The following KLHL29 variants were observed in gnomAD, a reference collection of about 807,000 sequenced individuals.
KLHL29 encodes kelch-like protein 29.
Under a neutral mutation model 80.4 loss-of-function variants are expected in KLHL29, and 21 were observed. The observed-to-expected ratio is 0.26, with a 90% CI of 0.19 to 0.38. The LOEUF (loss-of-function observed/expected upper bound fraction) is 0.38. KLHL29 is among the 10% of genes least tolerant of loss of function. The probability of loss-of-function intolerance (pLI) is 1.00; values close to 1 mark genes in which losing one functional copy is unlikely to be tolerated. For missense variants in KLHL29, 867 were observed against 1,223.9 expected (o/e 0.71, Z 4.35); for synonymous variants, 511 against 526.8 (o/e 0.97, Z 0.41).
In KLHL29 at chr2:23,437,985, T is replaced by C. The variant is rs536713940; in HGVS notation, c.-153-37575T>C. Among the ~76,000 whole-genome samples, 11 of 152,216 alleles carry C rather than the reference T, an allele frequency of 7.2e-5. No homozygotes were observed. In the South Asian group the frequency reaches 2.1e-3, roughly 29 times the overall value. On this transcript the variant is annotated intron_variant, in intron 1 of 13. Coordinates refer to ENST00000486442, the MANE Select transcript of KLHL29 (RefSeq NM_052920.2). ...TTTGTTTGTATCCTCTTTTATTTCA[T>C]TGAGCAGTGGTTTGTAGTTCTCCTT...
At chr2:23,646,047 AT>A (rs5829905) in intron 5 of KLHL29, among the ~76,000 whole-genome samples, 39,509 of 150,816 alleles carry the variant, frequency 0.26, 5,712 homozygotes, top group Middle Eastern at 0.36. Flanking sequence ...AAGCTGTAGG[AT>A]TTTTTTTTTA....
chr2:23,704,028 G>A (rs1453782453), intron 13 of KLHL29, among the ~76,000 whole-genome samples, 165 bp downstream of exon 13: 1 of 152,164 alleles, frequency 6.6e-6, no homozygotes, highest in African/African-American at 2.4e-5. Flanking sequence ...AGACCAGTAG[G>A]GTGGAGCCCA....
chr2:23,583,506 A>T (rs1668038068), intron 3 of KLHL29, among the ~76,000 whole-genome samples: 1 of 152,182 alleles, frequency 6.6e-6, no homozygotes, highest in South Asian at 2.1e-4. Context: ...CCAATTTGGA[A>T]AAGTTTCAAA....
intron 1 of KLHL29, among the ~76,000 whole-genome samples, chr2:23,415,803 A>T (rs1572494542): frequency 6.6e-6 from 1 of 152,076 alleles, no homozygotes; most frequent in East Asian, 1.9e-4. Flanking sequence ...GGCTCAGGCG[A>T]TCCTCACACC....
At chr2:23,653,067 C>T (rs1428101902) in intron 5 of KLHL29, among the ~76,000 whole-genome samples, 1 of 152,212 alleles carries the variant, frequency 6.6e-6, no homozygotes, top group Non-Finnish European at 1.5e-5. Context: ...CACCGCCTTC[C>T]TCTCTGCTGA....
At chr2:23,624,486 G>GC (rs1193741939) in intron 3 of KLHL29, among the ~76,000 whole-genome samples, 2 of 152,144 alleles carry the variant, frequency 1.3e-5, no homozygotes, top group Admixed American at 6.5e-5. Flanking sequence ...CTGCGACATT[G>GC]CCCCTCACTA....
At chr2:23,395,779 G>A (rs997452249) in intron 1 of KLHL29, among the ~76,000 whole-genome samples, 4 of 151,540 alleles carry the variant, frequency 2.6e-5, no homozygotes, top group East Asian at 1.9e-4. Flanking sequence ...AAGAAACTCC[G>A]ATTGCATTCA....
intron 3 of KLHL29, among the ~76,000 whole-genome samples, chr2:23,586,331 TC>T (rs200148921): frequency 1.4e-5 from 2 of 138,858 alleles, no homozygotes; most frequent in Admixed American, 7.5e-5. Context: ...AAGAGCAGCC[TC>T]CCCCCCATTC....
In KLHL29 at chr2:23,464,283, G is replaced by A. The variant is rs919303779; in HGVS notation, c.-153-11277G>A. Among the ~76,000 whole-genome samples the A allele has an allele frequency of 4.6e-5, 7 of 152,094 alleles. No individual in the cohort carries two copies. In the South Asian group the frequency reaches 8.3e-4, roughly 18 times the overall value. Reference sequence around the variant, plus strand: ...ATTTCCCCAGGGTCTCTGCAAGCCCGGAGCCCCCGGAGCCCCCAGAGCCCT... The same window carrying A: ...ATTTCCCCAGGGTCTCTGCAAGCCCAGAGCCCCCGGAGCCCCCAGAGCCCT... On this transcript the variant is annotated intron_variant, in intron 1 of 13. Transcript: ENST00000486442.
At position 23,706,605 on chromosome 2, in the gene KLHL29, C is replaced by G. The variant is rs1672741382; in HGVS notation, c.2569C>G (p.Pro857Ala). 1.3e-6 allele frequency: 2 copies of G among 1,537,076 alleles called. No homozygotes were observed. Among genetic ancestry groups the G allele is most frequent in the East Asian group, 4.9e-5 (2 of 40,916 alleles). ...CACATGGACCCTCCTCCCCCACATG[C>G]CCTGCCCTGTGTTCAGACACGGCTG... Reference protein sequence around the residue: ...TNTWTLLPHMPCPVFRHGCVV... With the variant: ...TNTWTLLPHMACPVFRHGCVV... The change falls in exon 14 of 14, where the codon CCC becomes GCC. Residue 857 changes from proline (P) to alanine (A), a missense_variant. Pro to Ala is a conservative substitution (Grantham distance 27). Transcript: ENST00000486442.
At chr2:23,511,106 T>C (rs1665759971) in intron 2 of KLHL29, among the ~76,000 whole-genome samples, 1 of 152,168 alleles carries the variant, frequency 6.6e-6, no homozygotes, top group African/African-American at 2.4e-5. Flanking sequence ...GCAGGGTTGC[T>C]TCCTTCTGAG....
At chr2:23,440,135 C>G (rs2103414234) in intron 1 of KLHL29, among the ~76,000 whole-genome samples, 1 of 152,092 alleles carries the variant, frequency 6.6e-6, no homozygotes, top group East Asian at 1.9e-4. Context: ...GATTGCAACC[C>G]CTGCCTTTTT....
At chr2:23,651,325 C>CT (rs1363797470) in intron 5 of KLHL29, among the ~76,000 whole-genome samples, 1 of 152,230 alleles carries the variant, frequency 6.6e-6, no homozygotes, top group Non-Finnish European at 1.5e-5. Context: ...TCTTGGATGA[C>CT]TAAGCACAGA....
chr2:23,555,965 C>T (rs543140325), intron 2 of KLHL29, among the ~76,000 whole-genome samples: 28 of 152,308 alleles, frequency 1.8e-4, no homozygotes, highest in African/African-American at 2.2e-4. Context: ...TGCATTGAGA[C>T]GCCAGCATGT....
intron 13 of KLHL29, among the ~76,000 whole-genome samples, chr2:23,704,432 C>T (rs981287967): frequency 6.6e-6 from 1 of 152,226 alleles, no homozygotes; most frequent in African/African-American, 2.4e-5. Context: ...CCTGCTCTTC[C>T]AGCCCCATCC....
chr2:23,601,119 A>G (rs77947606), intron 3 of KLHL29, among the ~76,000 whole-genome samples: 25,900 of 152,054 alleles, frequency 0.17, 2,860 homozygotes, highest in Admixed American at 0.3. Flanking sequence ...CCTGCCCCCA[A>G]GTTTGCGCTC....
chr2:23,446,018 G>A (rs547016670), intron 1 of KLHL29, among the ~76,000 whole-genome samples: 8 of 151,716 alleles, frequency 5.3e-5, no homozygotes, highest in Non-Finnish European at 1.0e-4. Context: ...TCCTTTCTTC[G>A]TTTTTTCATT....
At chr2:23,621,251 G>C (rs1669175074) in intron 3 of KLHL29, among the ~76,000 whole-genome samples, 1 of 152,238 alleles carries the variant, frequency 6.6e-6, no homozygotes, top group Non-Finnish European at 1.5e-5. Flanking sequence ...TCCAGAGCCA[G>C]ACCTCCCAGG....
chr2:23,520,579 G>C (rs1418053627), intron 2 of KLHL29, among the ~76,000 whole-genome samples: 1 of 152,228 alleles, frequency 6.6e-6, no homozygotes, highest in African/African-American at 2.4e-5. Context: ...CCTGGGCCCT[G>C]AGATCATGGC....
Sources: gnomAD v4.1 joint callset for allele counts (sites outside exome capture counted in the v4.1 genomes callset) on GRCh38, gnomAD v4.1.1 for gene constraint, MANE v1.5 for transcripts, NCBI Gene and HGNC (gene_info 2026-07-23, HGNC 2026-07-21) for gene names.